TPRG1: variants seen among roughly 807,000 people sequenced by gnomAD.
TPRG1 encodes tumor protein p63 regulated 1, also known as tumor protein p63-regulated gene 1 protein.
TPRG1 carries 29 observed loss-of-function variants against 29.3 expected under a neutral mutation model. That is an observed-to-expected ratio of 0.99 (90% CI 0.74 to 1.35). The LOEUF (loss-of-function observed/expected upper bound fraction) is 1.35, where lower values mean the gene tolerates loss of function less well. TPRG1 is among the 40% of genes most tolerant of loss of function. The pLI, the probability that TPRG1 is intolerant of heterozygous loss-of-function variation, is 0.00. For missense variants in TPRG1, 327 were observed against 335.0 expected (o/e 0.98, Z 0.19); for synonymous variants, 130 against 116.8 (o/e 1.11, Z -0.73).
chr3:189,113,114 A>G (rs1327058237), intron 1 of TPRG1, among the ~76,000 whole-genome samples: 6 of 152,056 alleles, frequency 3.9e-5, no homozygotes, highest in South Asian at 4.2e-4. Flanking sequence ...TTGGATTCCT[A>G]GGTATTTTAT....
At chr3:189,295,296 G>A (rs1020490153) in intron 4 of TPRG1, among the ~76,000 whole-genome samples, 1 of 151,938 alleles carries the variant, frequency 6.6e-6, no homozygotes, top group Non-Finnish European at 1.5e-5. Context: ...TTCCTTGTTC[G>A]TCTTTGATCA....
At chr3:189,185,506 G>A (rs940438071) in intron 1 of TPRG1, among the ~76,000 whole-genome samples, 4 of 152,226 alleles carry the variant, frequency 2.6e-5, no homozygotes, top group Admixed American at 1.3e-4. Flanking sequence ...GATTACTGAC[G>A]TAAGCCACTG....
intron 4 of TPRG1, among the ~76,000 whole-genome samples, chr3:189,027,003 G>A (rs1475327739): frequency 2.6e-5 from 4 of 152,124 alleles, no homozygotes; most frequent in African/African-American, 9.7e-5. Flanking sequence ...TTTTTTGTAA[G>A]TAAAATGTGC....
At chr3:189,035,161 A>G (rs923253867) in intron 4 of TPRG1, among the ~76,000 whole-genome samples, 1 of 152,182 alleles carries the variant, frequency 6.6e-6, no homozygotes, top group Non-Finnish European at 1.5e-5. Flanking sequence ...ATATTTGACA[A>G]AGTCAACAAT....
intron 5 of TPRG1, among the ~76,000 whole-genome samples, chr3:189,156,578 C>G (rs1001233006): frequency 3.9e-5 from 6 of 152,094 alleles, no homozygotes; most frequent in African/African-American, 9.7e-5. Flanking sequence ...GAATTTAAGT[C>G]CAAGCCCCTG....
Position 189,320,962 on chromosome 3 carries a change from A to G in TPRG1, c.*142A>G. The G allele has an allele frequency of 2.5e-6, 2 of 790,612 alleles. No homozygotes were observed. Among genetic ancestry groups the G allele is most frequent in the East Asian group, 5.8e-5 (2 of 34,562 alleles). 49.0% of individuals were successfully genotyped at this position (790,612 alleles called of 1,614,324 possible). On this transcript the variant is annotated 3_prime_UTR_variant, in exon 6 of 6. Transcript: ENST00000345063. ...ATTTAGAAATTTAGTATTTCCGAAAATTTAAAAGCTTGATTGGACTGATAG... is the reference window on the plus strand; with the variant it reads ...ATTTAGAAATTTAGTATTTCCGAAAGTTTAAAAGCTTGATTGGACTGATAG...
At chr3:189,171,170 T>G (rs1374367811), upstream of TPRG1, among the ~76,000 whole-genome samples, 2 of 152,276 alleles carry the variant, frequency 1.3e-5, no homozygotes, top group Admixed American at 1.3e-4. Context: ...ACCGTTGCTA[T>G]GTCAAATCTT....
chr3:189,227,861 C>T (rs2108890606), intron 3 of TPRG1, among the ~76,000 whole-genome samples: 1 of 152,314 alleles, frequency 6.6e-6, no homozygotes, highest in East Asian at 1.9e-4. Context: ...GTGGCTCATG[C>T]TTGTAATCCC....
chr3:189,162,638 G>C (rs1727635572), intron 5 of TPRG1, among the ~76,000 whole-genome samples: 1 of 152,126 alleles, frequency 6.6e-6, no homozygotes, highest in African/African-American at 2.4e-5. Flanking sequence ...CTATGGAAGA[G>C]AGAGAAAGAC....
intron 4 of TPRG1, among the ~76,000 whole-genome samples, chr3:189,293,572 G>A (rs1400250520): frequency 1.3e-5 from 2 of 152,110 alleles, no homozygotes; most frequent in Non-Finnish European, 2.9e-5. Context: ...CACCAAACTT[G>A]CACTGACTGT....
chr3:189,128,275 T>C (rs994795704), intron 2 of TPRG1, among the ~76,000 whole-genome samples: 2 of 152,236 alleles, frequency 1.3e-5, no homozygotes, highest in East Asian at 3.9e-4. Flanking sequence ...CATGGAATCA[T>C]TGTACCAGAG....
At chr3:189,314,709 A>G (rs999051041) in intron 5 of TPRG1, among the ~76,000 whole-genome samples, 2 of 152,190 alleles carry the variant, frequency 1.3e-5, no homozygotes, top group Non-Finnish European at 2.9e-5. Context: ...AATATCTAGT[A>G]TACTATTATA....
At chr3:189,090,550 A>ATT (rs1275649650) in intron 4 of TPRG1, among the ~76,000 whole-genome samples, 2 of 152,158 alleles carry the variant, frequency 1.3e-5, no homozygotes, top group Admixed American at 1.3e-4. Flanking sequence ...TTATTTAGAT[A>ATT]TTTTGCATCC....
At chr3:189,027,903 C>T (rs575734117) in intron 4 of TPRG1, among the ~76,000 whole-genome samples, 19 of 152,162 alleles carry the variant, frequency 1.2e-4, no homozygotes, top group African/African-American at 3.4e-4. Context: ...AACTTATTAC[C>T]GATTCCTGAG....
chr3:189,109,874 C>A lies in TPRG1; in HGVS notation c.-744+9670C>A, dbSNP rs60493753. 6.6e-3 allele frequency among the ~76,000 whole-genome samples: 1,004 copies of A among 152,184 alleles called. 14 individuals carry two copies. Among genetic ancestry groups the A allele is most frequent in the African/African-American group, 0.023 (948 of 41,528 alleles). ...CTGGCAACCATTGATTTGCTTTTGC[C>A]CCTTTTGCAAGAATGTCAGAAATTG... On this transcript the variant is annotated intron_variant, in intron 1 of 6. Transcript: ENST00000412373.
Position 189,324,589 on chromosome 3 carries a change from A to C in TPRG1, c.*3769A>C, listed in dbSNP as rs955086451. 1.3e-5 allele frequency: 2 copies of C among 152,186 alleles called. No individual in the cohort carries two copies. Among genetic ancestry groups the C allele is most frequent in the Admixed American group, 1.3e-4 (2 of 15,256 alleles). The allele number at this position is 152,186 out of a possible 1,614,324, so 9.4% of individuals were successfully genotyped here. A position where few individuals can be genotyped will look rare whatever the true frequency, so the allele number is the denominator to read the frequency against. On this transcript the variant is annotated 3_prime_UTR_variant, in exon 6 of 6. Coordinates refer to ENST00000345063, the MANE Select transcript of TPRG1 (RefSeq NM_198485.4). ...AAAAAAGCCCAAACAAAGCTGCGGA[A>C]GCTGGCAGAGCCAGCAGATATTTTG...
intron 4 of TPRG1, among the ~76,000 whole-genome samples, chr3:189,249,077 A>G (rs1741776882): frequency 6.6e-6 from 1 of 151,482 alleles, no homozygotes; most frequent in African/African-American, 2.4e-5. Flanking sequence ...ATCTACTATC[A>G]TGTTATTTAG....
chr3:189,265,180 A>G (rs1172856700), intron 4 of TPRG1, among the ~76,000 whole-genome samples: 1 of 152,164 alleles, frequency 6.6e-6, no homozygotes, highest in African/African-American at 2.4e-5. Flanking sequence ...AATCTTTAAC[A>G]GTGTTCGGAG....
intron 4 of TPRG1, among the ~76,000 whole-genome samples, chr3:189,053,350 G>A (rs1026828303): frequency 6.6e-5 from 10 of 152,092 alleles, no homozygotes; most frequent in Admixed American, 6.6e-4. Context: ...TTTCTTTTGA[G>A]GAAACATAGA....
Sources: allele counts gnomAD v4.1 joint callset (sites outside exome capture counted in the v4.1 genomes callset), GRCh38; gene constraint gnomAD v4.1.1; transcripts MANE v1.5; gene names NCBI Gene and HGNC (gene_info 2026-07-23, HGNC 2026-07-21).